The following ELK4 variants were observed in gnomAD, a reference collection of about 807,000 sequenced individuals.
The protein encoded by ELK4 is ETS transcription factor ELK4.
A neutral mutation model predicts 29.6 loss-of-function variants in ELK4; 16 were observed. The ratio of observed to expected loss-of-function variants is 0.54; its 90% CI spans 0.37 to 0.82. The LOEUF (loss-of-function observed/expected upper bound fraction) is 0.82. Ranked by LOEUF, ELK4 falls within the 40% of genes least tolerant of loss-of-function variation. The pLI is 0.00. For synonymous variants in ELK4, 213 were observed against 191.1 expected (o/e 1.11, Z -0.95); for missense variants, 465 against 507.1 (o/e 0.92, Z 0.80).
At position 205,613,788 on chromosome 1, in the gene ELK4, C is replaced by T. The variant is rs77636349; in HGVS notation, c.*2758G>A. 0.017 allele frequency: 3,200 copies of T among 183,024 alleles called. 50 individuals carry two copies. The highest frequency in any genetic ancestry group is 0.025 in the South Asian group (122 of 4,920). The allele number at this position is 183,024 out of a possible 1,614,324, so 11.3% of individuals were successfully genotyped here. On this transcript the variant is annotated 3_prime_UTR_variant, in exon 5 of 5. Transcript: ENST00000357992. ...AAGATGTCTCAAAACCCCATTCAAT[C>T]TGCTCCCCTTCCGTAACTTAGGCTA...
intron 1 of ELK4, chr1:205,625,339 A>G (rs1237159762): frequency 3.3e-6 from 1 of 305,782 alleles, no homozygotes; most frequent in African/African-American, 2.1e-5. Flanking sequence ...ATAGCAAAGA[A>G]GATATACAAA....
rs1670104580 is a variant in ELK4 at position 205,608,426 on chromosome 1, G to C, written c.*8120C>G. On this transcript the variant is annotated 3_prime_UTR_variant, in exon 5 of 5. Transcript: ENST00000357992. ...GCTACAATCATCCTAATCAATCTTA[G>C]AGCAATATCCCTTTGTTTCCCAACA... is the stretch of plus-strand genomic sequence containing the variant. 1 of 199,524 alleles carries C rather than the reference G, an allele frequency of 5.0e-6. No homozygotes were observed. The highest frequency in any genetic ancestry group is 1.0e-5 in the Non-Finnish European group (1 of 96,744). The allele number at this position is 199,524 out of a possible 1,614,324, so 12.4% of individuals were successfully genotyped here.
Position 205,618,998 on chromosome 1 carries a change from G to A in ELK4, c.1156C>T (p.Leu386=), listed in dbSNP as rs760573421. 15 of 1,612,030 alleles carry A rather than the reference G, an allele frequency of 9.3e-6. No individual in the cohort carries two copies. The East Asian group carries it at 3.3e-4, about 36-fold the overall frequency. Residue 386 remains leucine (L), a synonymous_variant, in exon 4 of 5, where the codon CTA becomes TTA. Transcript: ENST00000357992. ...FWSTLSPVAP[L]SPARLQGANT... is the part of the protein sequence containing the mutation. ...GCACCTTGCAGTCTGGCTGGACTTA[G>A]GGGAGCAACAGGACTGAGAGTACTC...
chr1:205,627,402 A>G (rs1670486818), intron 1 of ELK4, among the ~76,000 whole-genome samples: 1 of 151,974 alleles, frequency 6.6e-6, no homozygotes, highest in Non-Finnish European at 1.5e-5. Context: ...CCAGCTACTC[A>G]GGAGGCTGAG....
At chr1:205,622,873 C>T (rs1322590108) in intron 2 of ELK4, among the ~76,000 whole-genome samples, 1 of 152,116 alleles carries the variant, frequency 6.6e-6, no homozygotes, top group African/African-American at 2.4e-5. Flanking sequence ...TGTGATGGCT[C>T]ACGCCTATAA....
chr1:205,608,456 A>G lies in ELK4; in HGVS notation c.*8090T>C. ...ATATCCCTTTGTTTCCCAACAGGTAAGTCAGACTGCTTAGCTAGGAGATGT... is the reference window on the plus strand; with the variant it reads ...ATATCCCTTTGTTTCCCAACAGGTAGGTCAGACTGCTTAGCTAGGAGATGT... On this transcript the variant is annotated 3_prime_UTR_variant, in exon 5 of 5. Transcript: ENST00000357992. 5.0e-6 allele frequency: 1 copy of G among 200,312 alleles called. No individual in the cohort carries two copies. The highest frequency in any genetic ancestry group is 1.0e-5 in the Non-Finnish European group (1 of 97,054). The allele number at this position is 200,312 out of a possible 1,614,324, so 12.4% of individuals were successfully genotyped here. A position where few individuals can be genotyped will look rare whatever the true frequency, so the allele number is the denominator to read the frequency against.
At chr1:205,619,373 C>T (rs1571497941) in intron 3 of ELK4, 3 of 1,065,306 alleles carry the variant, frequency 2.8e-6, no homozygotes, top group East Asian at 1.1e-4. Context: ...TGGTGCTCAA[C>T]CTCTTTTTAA....
chr1:205,619,454 A>G (rs1285012468), intron 3 of ELK4: 7 of 1,064,482 alleles, frequency 6.6e-6, no homozygotes, highest in Non-Finnish European at 7.9e-6. Context: ...ATAATGGGTA[A>G]CCAAGACACC....
rs1670304578 is a variant in ELK4 at position 205,620,104 on chromosome 1, A to G, written c.942T>C (p.Asn314=). The part of the protein sequence containing the change: ...DSVLLEKDKV[N]NSSRSKKPKG... ...TGGGTTTCTTGGATCTTGATGAATTATTTACTTTGTCCTTTTCTAGCAAGA... is the reference window on the plus strand; with the variant it reads ...TGGGTTTCTTGGATCTTGATGAATTGTTTACTTTGTCCTTTTCTAGCAAGA... Residue 314 remains asparagine, a synonymous_variant, in exon 3 of 5, where the codon AAT becomes AAC. Coordinates refer to ENST00000357992, the MANE Select transcript of ELK4 (RefSeq NM_001973.4). 7 of 1,614,108 alleles carry G rather than the reference A, an allele frequency of 4.3e-6. No individual in the cohort carries two copies. Among genetic ancestry groups the G allele is most frequent in the Non-Finnish European group, 5.9e-6 (7 of 1,180,012 alleles).
chr1:205,619,677 C>T (rs1318621364), intron 3 of ELK4: 8 of 1,390,076 alleles, frequency 5.8e-6, no homozygotes, highest in South Asian at 1.8e-5. Flanking sequence ...TTTATAAGAC[C>T]GAGAGAGAGC....
intron 4 of ELK4, among the ~76,000 whole-genome samples, chr1:205,618,733 G>T (rs1219187885): frequency 6.6e-6 from 1 of 152,222 alleles, no homozygotes; most frequent in Non-Finnish European, 1.5e-5. Flanking sequence ...TGAGGCAGGA[G>T]AATCGCTTGA....
chr1:205,625,045 A>C (rs1233863682), intron 1 of ELK4, among the ~76,000 whole-genome samples: 2 of 152,194 alleles, frequency 1.3e-5, no homozygotes, highest in African/African-American at 4.8e-5. Flanking sequence ...AAAAAACAAA[A>C]ACAAAAAACC....
At chr1:205,628,812 G>T (rs1670514970) in intron 1 of ELK4, among the ~76,000 whole-genome samples, 1 of 151,720 alleles carries the variant, frequency 6.6e-6, no homozygotes, top group Admixed American at 6.6e-5. Context: ...AGCTGTTGTG[G>T]AAAATGCTGA....
At chr1:205,627,258 C>T (rs780141790) in intron 1 of ELK4, among the ~76,000 whole-genome samples, 3 of 152,208 alleles carry the variant, frequency 2.0e-5, no homozygotes, top group South Asian at 2.1e-4. Context: ...GCCTGTAATC[C>T]CAGCACTTTG....
rs1161432398 is a variant in ELK4, at chr1:205,609,096, A to C, written c.*7450T>G. Reference sequence around the variant, plus strand: ...AAATCACTTGGTGTATGGAATTTAAAATAATCTAACCTAGAGCTATTTCCC... The same window carrying C: ...AAATCACTTGGTGTATGGAATTTAACATAATCTAACCTAGAGCTATTTCCC... On this transcript the variant is annotated 3_prime_UTR_variant, in exon 5 of 5. Coordinates refer to ENST00000357992, the MANE Select transcript of ELK4 (RefSeq NM_001973.4). The C allele has an allele frequency of 5.3e-6, 1 of 188,914 alleles. No homozygotes were observed. The highest frequency in any genetic ancestry group is 1.1e-5 in the Non-Finnish European group (1 of 89,760). The allele number at this position is 188,914 out of a possible 1,614,324, so 11.7% of individuals were successfully genotyped here.
Position 205,611,878 on chromosome 1 carries a change from C to A in ELK4, c.*4668G>T, listed in dbSNP as rs1442981646. The stretch of plus-strand genomic sequence containing the variant: ...CAATGAGGTTAAAAACAGAACAGAC[C>A]TATAAAGAAAAGTATTCCTTTAGTT... On this transcript the variant is annotated 3_prime_UTR_variant, in exon 5 of 5. Transcript: ENST00000357992. 5.3e-6 allele frequency: 1 copy of A among 188,654 alleles called. No homozygotes were observed. Among genetic ancestry groups the A allele is most frequent in the Non-Finnish European group, 1.1e-5 (1 of 89,806 alleles). 11.7% of individuals were successfully genotyped at this position (188,654 alleles called of 1,614,324 possible). A position where few individuals can be genotyped will look rare whatever the true frequency, so the allele number is the denominator to read the frequency against.
At chr1:205,625,436 C>T (rs1294730873) in intron 1 of ELK4, 2 of 566,880 alleles carry the variant, frequency 3.5e-6, no homozygotes, top group Non-Finnish European at 6.5e-6. Context: ...CTCCCGGCTC[C>T]CCCAGGTTCC....
At chr1:205,624,427 A>G (rs1670414173) in intron 1 of ELK4, among the ~76,000 whole-genome samples, 1 of 152,070 alleles carries the variant, frequency 6.6e-6, no homozygotes. Context: ...TGTAGGGAAT[A>G]ATCTACTTTT....
At chr1:205,627,120 T>C (rs1233140527) in intron 1 of ELK4, among the ~76,000 whole-genome samples, 1 of 152,036 alleles carries the variant, frequency 6.6e-6, no homozygotes, top group Non-Finnish European at 1.5e-5. Flanking sequence ...AGAAAATAGA[T>C]TAGTAATTAT....
Sources: allele counts gnomAD v4.1 joint callset (sites outside exome capture counted in the v4.1 genomes callset), GRCh38; gene constraint gnomAD v4.1.1; transcripts MANE v1.5; gene names NCBI Gene and HGNC (gene_info 2026-07-23, HGNC 2026-07-21).